Variants in ZNF337 observed in about 807,000 individuals in gnomAD.
The protein encoded by ZNF337 is zinc finger protein 337.
A neutral mutation model predicts 12.1 loss-of-function variants in ZNF337; 8 were observed. That is an observed-to-expected ratio of 0.66 (90% CI 0.39 to 1.19). The LOEUF is 1.19. Ranked by LOEUF, ZNF337 falls within the 50% of genes most tolerant of loss-of-function variation. The pLI is 0.01. For synonymous variants in ZNF337, 336 were observed against 320.0 expected (o/e 1.05, Z -0.53); for missense variants, 882 against 896.6 (o/e 0.98, Z 0.21).
chr20:25,690,875 T>A (rs568912490), intron 1 of ZNF337, among the ~76,000 whole-genome samples: 1 of 151,746 alleles, frequency 6.6e-6, no homozygotes, highest in East Asian at 1.9e-4. Flanking sequence ...TGGAAAAGAG[T>A]CAGTCTGCAA....
intron 1 of ZNF337, among the ~76,000 whole-genome samples, chr20:25,694,565 T>A (rs866868299): frequency 1.5e-4 from 23 of 152,130 alleles, no homozygotes; most frequent in African/African-American, 4.6e-4. Context: ...TTAAAAAAAC[T>A]GCTGGGCCCA....
At chr20:25,686,151 C>A in intron 2 of ZNF337, 29 bp from the exon 3 acceptor site, 2 of 1,613,510 alleles carry the variant, frequency 1.2e-6, no homozygotes, top group Non-Finnish European at 1.7e-6. Context: ...GCATGCTCAC[C>A]AGGGACAGTG....
chr20:25,688,857 G>A lies in ZNF337; in HGVS notation c.-49-2391C>T, dbSNP rs145684540. Among the ~76,000 whole-genome samples, 994 of 152,284 alleles carry A rather than the reference G, an allele frequency of 6.5e-3. 55 individuals carry two copies. In the East Asian group the frequency reaches 0.14, roughly 22 times the overall value. ...AAGGGTAAGTATCTCTGCCGGGCGC[G>A]GTGGCTCACGCCTGTAATCCTAGCA... On this transcript the variant is annotated intron_variant, in intron 1 of 4. Transcript: ENST00000252979.
intron 1 of ZNF337, 55 bp from the exon 2 acceptor site, chr20:25,686,521 T>C: frequency 7.5e-7 from 1 of 1,335,466 alleles, no homozygotes; most frequent in South Asian, 1.3e-5. Flanking sequence ...TCCCCATGTG[T>C]GACAGTTGGT....
chr20:25,676,244 G>C lies in ZNF337; in HGVS notation c.1044C>G (p.Tyr348Ter), dbSNP rs1462441196. ...AGCCTCGGCCACACTCCTGGCATCT[G>C]TAAGGCTTCTCTCCTGAGTGTATTC... ...HKRIHSGEKPYRCQECGRGFS... is the reference protein window; with the variant it reads ...HKRIHSGEKP The change falls in exon 5 of 5, where the codon TAC becomes TAG. Residue 348 changes from tyrosine to a stop codon, truncating the protein, a stop_gained. Transcript: ENST00000252979. LOFTEE classifies it low-confidence loss of function (END_TRUNC). The C allele has an allele frequency of 6.2e-7, 1 of 1,612,148 alleles. No homozygotes were observed. The highest frequency in any genetic ancestry group is 1.1e-5 in the South Asian group (1 of 90,958).
intron 1 of ZNF337, 94 bp downstream of exon 1, chr20:25,696,665 C>T (rs567469300): frequency 3.6e-4 from 315 of 865,106 alleles, no homozygotes; most frequent in Non-Finnish European, 4.1e-4. Context: ...GCGCTACGGC[C>T]CCAGCAGCGC....
rs759689874 is a variant in ZNF337 at position 25,685,962 on chromosome 20, G to A, written c.154+34C>T. ...TATGGCAACATCAGAGGCACCACAG[G>A]CCAAATGTTAGGCTCGAGGGAAGCC... On this transcript the variant is annotated intron_variant, in intron 3 of 4. Transcript: ENST00000252979. 20 of 1,593,684 alleles carry A rather than the reference G, an allele frequency of 1.3e-5. No individual in the cohort carries two copies. The South Asian group carries it at 2.0e-4, about 16-fold the overall frequency.
intron 1 of ZNF337, among the ~76,000 whole-genome samples, chr20:25,688,574 A>C (rs1016704057): frequency 6.6e-6 from 1 of 152,216 alleles, no homozygotes; most frequent in Non-Finnish European, 1.5e-5. Flanking sequence ...CCTTTGTTTC[A>C]TTAAGGGAAA....
chr20:25,688,163 C>A (rs1019154096), intron 1 of ZNF337, among the ~76,000 whole-genome samples: 4 of 152,176 alleles, frequency 2.6e-5, no homozygotes, highest in African/African-American at 4.8e-5. Flanking sequence ...CAAAGATATT[C>A]CCCTACATTT....
chr20:25,677,168 C>G (rs2065709391), intron 4 of ZNF337, 131 bp from the exon 5 acceptor site: 3 of 794,774 alleles, frequency 3.8e-6, no homozygotes, highest in Non-Finnish European at 5.7e-6. Context: ...CAATTCTTCT[C>G]AAACTATTCC....
In ZNF337 at chr20:25,677,018, G is replaced by C. The variant is rs1340059961; in HGVS notation, c.270C>G (p.Val90=). ...CAAGTCCAAGATTCTTGGGCCGCAG[G>C]ACATGTTCTGCATATATTCCTGGAG... is the stretch of plus-strand genomic sequence containing the variant. The part of the protein sequence containing the change: ...GPCAGIYAEH[V]LRPKNLGLAH... Residue 90 remains valine (V), a synonymous_variant, in exon 5 of 5, where the codon GTC becomes GTG. Transcript: ENST00000252979. 6.2e-7 allele frequency: 1 copy of C among 1,610,684 alleles called. No individual in the cohort carries two copies. Among genetic ancestry groups the C allele is most frequent in the Admixed American group, 1.7e-5 (1 of 59,468 alleles).
chr20:25,673,320 A>G lies in ZNF337; in HGVS notation c.*1712T>C, dbSNP rs955090769. On this transcript the variant is annotated 3_prime_UTR_variant, in exon 5 of 5. Transcript: ENST00000252979. Reference sequence around the variant, plus strand: ...TTGAAGGGCAAGCATCACAAATACCATTTACAAAAGGATAGGCATATTGCA... The same window carrying G: ...TTGAAGGGCAAGCATCACAAATACCGTTTACAAAAGGATAGGCATATTGCA... Among the ~76,000 whole-genome samples, 1 of 152,196 alleles carries G rather than the reference A, an allele frequency of 6.6e-6. No homozygotes were observed. The highest frequency in any genetic ancestry group is 1.5e-5 in the Non-Finnish European group (1 of 68,030).
chr20:25,686,787 C>CAGG (rs11471847), intron 1 of ZNF337: 195,679 of 287,270 alleles, frequency 0.68, 69,785 homozygotes, highest in East Asian at 0.99. Flanking sequence ...TTGCACTGGA[C>CAGG]AGAATACACA....
intron 2 of ZNF337, 111 bp from the exon 3 acceptor site, chr20:25,686,233 C>T: frequency 1.9e-6 from 3 of 1,553,788 alleles, no homozygotes; most frequent in Non-Finnish European, 2.6e-6. Flanking sequence ...GAGTGACACC[C>T]ACAGGCCAGT....
chr20:25,691,672 A>G (rs1241498650), intron 1 of ZNF337, among the ~76,000 whole-genome samples: 3 of 152,120 alleles, frequency 2.0e-5, no homozygotes. Flanking sequence ...GTGGACCAAA[A>G]TGGGGGTGGG....
chr20:25,685,429 A>C, intron 4 of ZNF337, 138 bp downstream of exon 4: 1 of 678,134 alleles, frequency 1.5e-6, no homozygotes, highest in South Asian at 1.9e-5. Context: ...CAAGGACTGG[A>C]AGGAAGGCAG....
At chr20:25,678,163 C>T (rs2065727815) in intron 4 of ZNF337, 1 of 152,120 alleles carries the variant, frequency 6.6e-6, no homozygotes, top group Admixed American at 6.5e-5. Flanking sequence ...AACCTAAACA[C>T]TCTTCGAACT....
rs966479566 is a variant in ZNF337, at chr20:25,696,852, G to A, written c.-143C>T. ...GACGCCCAGGGATCTGGAACGCTCTGCGCCGCCCGGGACTACACTACCCAG... is the reference window on the plus strand; with the variant it reads ...GACGCCCAGGGATCTGGAACGCTCTACGCCGCCCGGGACTACACTACCCAG... On this transcript the variant is annotated 5_prime_UTR_variant, in exon 1 of 5. Coordinates refer to ENST00000252979, the MANE Select transcript of ZNF337 (RefSeq NM_015655.4). 8 of 983,360 alleles carry A rather than the reference G, an allele frequency of 8.1e-6. No individual in the cohort carries two copies. In the African/African-American group the frequency reaches 1.0e-4, roughly 13 times the overall value. The allele number at this position is 983,360 out of a possible 1,614,324, so 60.9% of individuals were successfully genotyped here.
rs190018985 is a variant in ZNF337, at chr20:25,678,364, G to A, written c.251-1327C>T. ...TATGATAAAAACAATGAAATAAATA[G>A]ACGAGGACACAAACAAATGAAAAGA... On this transcript the variant is annotated intron_variant, in intron 4 of 4. Transcript: ENST00000252979. Among the ~76,000 whole-genome samples, 38 of 152,232 alleles carry A rather than the reference G, an allele frequency of 2.5e-4. No homozygotes were observed. The East Asian group carries it at 6.6e-3, about 26-fold the overall frequency.
Sources: allele counts gnomAD v4.1 joint callset (sites outside exome capture counted in the v4.1 genomes callset), GRCh38; gene constraint gnomAD v4.1.1; transcripts MANE v1.5; gene names NCBI Gene and HGNC (gene_info 2026-07-23, HGNC 2026-07-21).